MLIP: variants seen among roughly 807,000 people sequenced by gnomAD.
MLIP encodes muscular LMNA interacting protein.
MLIP carries 79 observed loss-of-function variants against 84.8 expected under a neutral mutation model. The ratio of observed to expected loss-of-function variants is 0.93; its 90% CI spans 0.78 to 1.12. The LOEUF (loss-of-function observed/expected upper bound fraction) is 1.12. Ranked by LOEUF, MLIP falls within the 50% of genes most tolerant of loss-of-function variation. MLIP has a pLI of 0.00. For synonymous variants in MLIP, 504 were observed against 463.0 expected (o/e 1.09, Z -1.14); for missense variants, 1,257 against 1,160.6 (o/e 1.08, Z -1.21).
chr6:54,147,803 T>G (rs1773018471), intron 4 of MLIP, among the ~76,000 whole-genome samples: 1 of 152,188 alleles, frequency 6.6e-6, no homozygotes, highest in Admixed American at 6.5e-5. Flanking sequence ...CTGATTATCT[T>G]GCTAGTGTGA....
intron 8 of MLIP, among the ~76,000 whole-genome samples, chr6:54,163,026 A>C (rs1774812678): frequency 6.6e-6 from 1 of 152,012 alleles, no homozygotes; most frequent in African/African-American, 2.4e-5. Context: ...GGTCAGAGAA[A>C]GATAAGTCTA....
chr6:54,113,475 A>G (rs1561941439), intron 1 of MLIP, among the ~76,000 whole-genome samples: 1 of 152,338 alleles, frequency 6.6e-6, no homozygotes, highest in East Asian at 1.9e-4. Flanking sequence ...GATCCTTCCT[A>G]CAATATAAAG....
Position 54,202,369 on chromosome 6 carries a change from T to C in MLIP, c.2718+136T>C, listed in dbSNP as rs779014530. The C allele has an allele frequency of 2.0e-4, 75 of 373,726 alleles. No individual in the cohort carries two copies. The Middle Eastern group carries it at 5.5e-3, about 28-fold the overall frequency. 23.2% of individuals were successfully genotyped at this position (373,726 alleles called of 1,614,324 possible). On this transcript the variant is annotated intron_variant, in intron 11 of 13. Transcript: ENST00000502396. ...TGAATATAGTATGCGTAAGAACATG[T>C]TCATTTGATTGGAATATATTTGGTA...
rs993756804 is a variant in MLIP, at chr6:54,139,126, C to A, written c.2217+840C>A. Among the ~76,000 whole-genome samples the A allele has an allele frequency of 2.4e-4, 36 of 151,980 alleles. 1 individual carries two copies. Among genetic ancestry groups the A allele is most frequent in the African/African-American group, 8.7e-4 (36 of 41,372 alleles). The stretch of plus-strand genomic sequence containing the variant: ...ATATGTGTACCACTATACTAGCTTT[C>A]TTTAGAGTGTGTGTGGTTTCTTTTA... On this transcript the variant is annotated intron_variant, in intron 4 of 13. Transcript: ENST00000502396.
chr6:54,123,230 C>A (rs1208445093), intron 2 of MLIP, among the ~76,000 whole-genome samples: 1 of 152,144 alleles, frequency 6.6e-6, no homozygotes, highest in East Asian at 1.9e-4. Context: ...CCACCGCGCC[C>A]GGCTTCATTT....
At chr6:54,128,135 T>A (rs1451328289) in intron 3 of MLIP, among the ~76,000 whole-genome samples, 1 of 152,162 alleles carries the variant, frequency 6.6e-6, no homozygotes, top group Non-Finnish European at 1.5e-5. Flanking sequence ...TTGGCATCAT[T>A]AATTGAAGAA....
rs987183733 is a variant in MLIP, at chr6:54,027,418, C to T, written c.63+8327C>T. Among the ~76,000 whole-genome samples the T allele has an allele frequency of 1.5e-4, 19 of 124,282 alleles. No individual in the cohort carries two copies. The East Asian group carries it at 2.1e-3, about 14-fold the overall frequency. The allele number at this position is 124,282 out of a possible 152,430, so 81.5% of individuals were successfully genotyped here. A position where few individuals can be genotyped will look rare whatever the true frequency, so the allele number is the denominator to read the frequency against. On this transcript the variant is annotated intron_variant, in intron 1 of 12. Coordinates refer to the MLIP transcript ENST00000274897. Reference sequence around the variant, plus strand: ...ACACACACACACACACACACACACACACATATATACATAAAATCTGTGTGT... The same window carrying T: ...ACACACACACACACACACACACACATACATATATACATAAAATCTGTGTGT...
chr6:54,055,899 C>A (rs1765633759), intron 1 of MLIP, among the ~76,000 whole-genome samples: 1 of 152,086 alleles, frequency 6.6e-6, no homozygotes, highest in African/African-American at 2.4e-5. Context: ...CCTTATGTGG[C>A]AATTCCTGCT....
At chr6:54,024,917 A>C (rs1763709847) in intron 1 of MLIP, among the ~76,000 whole-genome samples, 1 of 151,968 alleles carries the variant, frequency 6.6e-6, no homozygotes, top group South Asian at 2.1e-4. Context: ...GGCTCACTGC[A>C]ACCTCTGCCT....
chr6:54,096,563 A>G (rs1768229888), intron 1 of MLIP, among the ~76,000 whole-genome samples: 1 of 152,042 alleles, frequency 6.6e-6, no homozygotes, highest in South Asian at 2.1e-4. Context: ...TTGGCTGGAT[A>G]TGGGAAGCGC....
intron 8 of MLIP, among the ~76,000 whole-genome samples, chr6:54,163,099 G>A (rs1351212217): frequency 1.3e-5 from 2 of 151,546 alleles, no homozygotes; most frequent in East Asian, 3.9e-4. Flanking sequence ...CTTATGTGTT[G>A]GCATTCATTC....
chr6:54,141,926 G>A (rs1194971981), intron 4 of MLIP, among the ~76,000 whole-genome samples: 1 of 152,184 alleles, frequency 6.6e-6, no homozygotes, highest in Admixed American at 6.5e-5. Context: ...TAGGGAACAA[G>A]TTGAGAGCTA....
intron 10 of MLIP, 130 bp from the exon 11 acceptor site, chr6:54,201,975 A>T (rs1778712686): frequency 1.6e-6 from 1 of 619,194 alleles, no homozygotes; most frequent in East Asian, 3.8e-5. Flanking sequence ...GCATTTTTGA[A>T]ATCATTTTAA....
chr6:54,080,604 G>A (rs1767077576), intron 1 of MLIP, among the ~76,000 whole-genome samples: 1 of 151,026 alleles, frequency 6.6e-6, no homozygotes. Flanking sequence ...ATACCCATGT[G>A]ATAAAAAGAC....
intron 11 of MLIP, chr6:54,215,771 C>T (rs1779814687): frequency 6.6e-6 from 1 of 152,328 alleles, no homozygotes; most frequent in South Asian, 2.1e-4. Flanking sequence ...TTTTCCTTTT[C>T]ACTTAAATCC....
chr6:54,258,073 C>T (rs923592703), intron 13 of MLIP, among the ~76,000 whole-genome samples: 2 of 151,944 alleles, frequency 1.3e-5, no homozygotes, highest in African/African-American at 4.8e-5. Flanking sequence ...TTTACATCCC[C>T]TCAGATAAAG....
chr6:54,216,180 A>G, intron 11 of MLIP: 12 of 985,280 alleles, frequency 1.2e-5, no homozygotes, highest in Non-Finnish European at 1.4e-5. Context: ...TCTTGTTATC[A>G]TTTCCTTTAG....
At chr6:54,257,689 T>C (rs532169045) in intron 13 of MLIP, among the ~76,000 whole-genome samples, 1 of 152,232 alleles carries the variant, frequency 6.6e-6, no homozygotes, top group African/African-American at 2.4e-5. Flanking sequence ...AGAGGGTCAA[T>C]GGATGTCCCA....
chr6:54,063,000 G>T (rs1038331555), intron 1 of MLIP, among the ~76,000 whole-genome samples: 1 of 151,988 alleles, frequency 6.6e-6, no homozygotes, highest in Admixed American at 6.6e-5. Context: ...GTCGCAGTTC[G>T]AGACAAGCCT....
Sources: allele counts gnomAD v4.1 joint callset (sites outside exome capture counted in the v4.1 genomes callset), GRCh38; gene constraint gnomAD v4.1.1; transcripts MANE v1.5; gene names NCBI Gene and HGNC (gene_info 2026-07-23, HGNC 2026-07-21).